DPT: variants seen among roughly 807,000 people sequenced by gnomAD.
DPT encodes tyrosine-rich acidic matrix protein.
Under a neutral mutation model 31.2 loss-of-function variants are expected in DPT, and 21 were observed. The observed-to-expected ratio is 0.67, with a 90% CI of 0.48 to 0.97. DPT has a LOEUF of 0.97. Ranked by LOEUF, DPT falls within the 50% of genes least tolerant of loss-of-function variation. The pLI is 0.00. For synonymous variants in DPT, 91 were observed against 86.9 expected, an observed-to-expected ratio of 1.05 and a Z score of -0.26; for missense variants, 262 against 258.8, an observed-to-expected ratio of 1.01 and a Z score of -0.08.
In DPT at chr1:168,696,620, G is replaced by A. The variant is rs191078198; in HGVS notation, c.540-5C>T. 7.4e-6 allele frequency: 12 copies of A among 1,613,190 alleles called. No homozygotes were observed. The African/African-American group carries it at 1.3e-4, about 18-fold the overall frequency. On this transcript the variant is annotated splice_region_variant and splice_polypyrimidine_tract_variant and intron_variant, in intron 3 of 3. Transcript: ENST00000367817. ...ATGAACTTCCACTGGCGATCCCTGT[G>A]GGAGGGAGAGTCAGAAAATGAATGT...
chr1:168,724,543 C>T (rs73032095), intron 1 of DPT, among the ~76,000 whole-genome samples: 5,158 of 152,118 alleles, frequency 0.034, 307 homozygotes, highest in African/African-American at 0.12. Flanking sequence ...GGAGACAAAA[C>T]AAGAAACAAA....
chr1:168,706,642 G>A (rs755437885), intron 2 of DPT, among the ~76,000 whole-genome samples: 18 of 152,190 alleles, frequency 1.2e-4, no homozygotes, highest in Admixed American at 8.5e-4. Flanking sequence ...GCTCTGAGGT[G>A]TGTGAAATAA....
chr1:168,707,993 G>A (rs924764529), intron 2 of DPT, among the ~76,000 whole-genome samples: 2 of 152,042 alleles, frequency 1.3e-5, no homozygotes, highest in Non-Finnish European at 2.9e-5. Flanking sequence ...GGACCCCCAT[G>A]GATACCAAAA....
chr1:168,723,561 T>C (rs1650168961), intron 1 of DPT, among the ~76,000 whole-genome samples: 1 of 152,242 alleles, frequency 6.6e-6, no homozygotes, highest in African/African-American at 2.4e-5. Flanking sequence ...TGTAAAGTTA[T>C]GGATTTCTCT....
intron 1 of DPT, 37 bp from the exon 2 acceptor site, chr1:168,714,383 G>T: frequency 6.2e-7 from 1 of 1,613,826 alleles, no homozygotes; most frequent in Non-Finnish European, 8.5e-7. Flanking sequence ...TAAGAACAGT[G>T]ACACATACAC....
intron 2 of DPT, among the ~76,000 whole-genome samples, chr1:168,708,594 G>A (rs1649774101): frequency 6.6e-6 from 1 of 152,136 alleles, no homozygotes; most frequent in South Asian, 2.1e-4. Flanking sequence ...TTTACTTTAA[G>A]TTCTAGGGTA....
intron 2 of DPT, among the ~76,000 whole-genome samples, chr1:168,709,310 G>A (rs1034538192): frequency 6.6e-6 from 1 of 152,148 alleles, no homozygotes; most frequent in Non-Finnish European, 1.5e-5. Context: ...AAGGGTTGTG[G>A]CAACTTCAGT....
At chr1:168,703,574 A>T (rs115863575) in intron 2 of DPT, among the ~76,000 whole-genome samples, 4 of 152,254 alleles carry the variant, frequency 2.6e-5, no homozygotes, top group Non-Finnish European at 5.9e-5. Flanking sequence ...GAGGTGCATG[A>T]CCATTGGTAC....
intron 1 of DPT, among the ~76,000 whole-genome samples, chr1:168,716,932 A>G (rs1649999110): frequency 6.6e-6 from 1 of 152,124 alleles, no homozygotes; most frequent in Non-Finnish European, 1.5e-5. Context: ...TATGTACCAC[A>G]TTTGCTTTAT....
At chr1:168,709,021 T>A (rs1341996295) in intron 2 of DPT, among the ~76,000 whole-genome samples, 2 of 152,120 alleles carry the variant, frequency 1.3e-5, no homozygotes, top group Admixed American at 1.3e-4. Context: ...AGTGGGGAAG[T>A]AGGCAGTGGA....
chr1:168,703,340 C>T (rs148917220), intron 2 of DPT, among the ~76,000 whole-genome samples: 211 of 152,132 alleles, frequency 1.4e-3, no homozygotes, highest in African/African-American at 4.6e-3. Context: ...ATAAATATCA[C>T]GGAATAAAGT....
At chr1:168,727,539 C>CTTTTTTTTTTTTTT (rs3076492) in intron 1 of DPT, among the ~76,000 whole-genome samples, 1 of 128,134 alleles carries the variant, frequency 7.8e-6, no homozygotes, top group African/African-American at 3.0e-5. Flanking sequence ...TTTCTATTTT[C>CTTTTTTTTTTTTTT]TTTTTTTTTT....
chr1:168,699,681 A>C (rs1052686934), intron 3 of DPT, among the ~76,000 whole-genome samples: 1 of 151,892 alleles, frequency 6.6e-6, no homozygotes, highest in Non-Finnish European at 1.5e-5. Flanking sequence ...ACAGACACAC[A>C]CCAAAGATGT....
intron 3 of DPT, among the ~76,000 whole-genome samples, chr1:168,697,968 GA>G (rs983900408): frequency 5.9e-5 from 9 of 152,172 alleles, no homozygotes; most frequent in South Asian, 2.1e-4. Flanking sequence ...GGGCAAAAAC[GA>G]AGAGTTTTTC....
rs116013731 is a variant in DPT, at chr1:168,707,141, A to C, written c.432-6017T>G. On this transcript the variant is annotated intron_variant, in intron 2 of 3. Coordinates refer to ENST00000367817, the MANE Select transcript of DPT (RefSeq NM_001937.5). Reference sequence around the variant, plus strand: ...GTTTGGAACTTTGAAGGGAGCCACAACTTCTATAGCTCAGTTCCCTCATCT... The same window carrying C: ...GTTTGGAACTTTGAAGGGAGCCACACCTTCTATAGCTCAGTTCCCTCATCT... 6.8e-3 allele frequency among the ~76,000 whole-genome samples: 1,043 copies of C among 152,298 alleles called. 10 individuals are homozygous for C. Among genetic ancestry groups the C allele is most frequent in the African/African-American group, 0.024 (985 of 41,570 alleles).
chr1:168,728,824 G>A lies in DPT; in HGVS notation c.305+46C>T, dbSNP rs375387220. 120 of 1,595,950 alleles carry A rather than the reference G, an allele frequency of 7.5e-5. No individual in the cohort carries two copies. In the African/African-American group the frequency reaches 1.4e-3, roughly 19 times the overall value. ...TAGCAGCCCCCAGGAGGAGGGATATGCAGAGATGTTCCCAGCCCCAGTGCA... is the reference window on the plus strand; with the variant it reads ...TAGCAGCCCCCAGGAGGAGGGATATACAGAGATGTTCCCAGCCCCAGTGCA... On this transcript the variant is annotated intron_variant, in intron 1 of 3. Coordinates refer to ENST00000367817, the MANE Select transcript of DPT (RefSeq NM_001937.5).
intron 1 of DPT, among the ~76,000 whole-genome samples, chr1:168,718,954 A>G (rs2101909678): frequency 6.6e-6 from 1 of 152,352 alleles, no homozygotes; most frequent in Non-Finnish European, 1.5e-5. Context: ...CCCTAAAACA[A>G]AGCTCAATGA....
chr1:168,728,098 C>T (rs371506089), intron 1 of DPT, among the ~76,000 whole-genome samples: 1 of 152,346 alleles, frequency 6.6e-6, no homozygotes, highest in South Asian at 2.1e-4. Context: ...GAGACAATCA[C>T]ACCCCACAAA....
At chr1:168,715,974 A>G (rs1038158149) in intron 1 of DPT, among the ~76,000 whole-genome samples, 15 of 152,212 alleles carry the variant, frequency 9.9e-5, no homozygotes, top group African/African-American at 3.6e-4. Flanking sequence ...AGTTTTCAGA[A>G]AATATAATGC....
Sources: allele counts gnomAD v4.1 joint callset (sites outside exome capture counted in the v4.1 genomes callset), GRCh38; gene constraint gnomAD v4.1.1; transcripts MANE v1.5; gene names NCBI Gene and HGNC (gene_info 2026-07-23, HGNC 2026-07-21).